Variants in ARSD observed in about 807,000 individuals in gnomAD.
ARSD encodes the protein arylsulfatase D.
In ARSD, 21 loss-of-function variants were observed where a neutral mutation model predicts 32.6. The ratio of observed to expected loss-of-function variants is 0.64; its 90% CI spans 0.46 to 0.93. ARSD has a LOEUF of 0.93. Among genes scored for constraint, ARSD ranks in the 40% least tolerant of loss-of-function variants. The pLI, the probability that ARSD is intolerant of heterozygous loss-of-function variation, is 0.00. For synonymous variants in ARSD, 224 were observed against 237.4 expected (o/e 0.94, Z 0.52); for missense variants, 454 against 520.9 (o/e 0.87, Z 1.25).
In ARSD at chrX:2,927,601, C is replaced by G. The variant is rs372936286; in HGVS notation, c.44+1631G>C. Among the ~76,000 whole-genome samples the G allele has an allele frequency of 2.1e-4, 24 of 112,230 alleles. No homozygotes were observed. The East Asian group carries it at 2.2e-3, about 10-fold the overall frequency. ...AGCCACCTCGCCTGGCGGGAAAATC[C>G]TAACTTTCCATGCCTAAGTAACAAA... On this transcript the variant is annotated intron_variant, in intron 1 of 9. Transcript: ENST00000381154.
At position 2,918,017 on chromosome X, in the gene ARSD, C is replaced by A. The variant is rs369102953; in HGVS notation, c.650G>T (p.Gly217Val). Reference sequence around the variant, plus strand: ...GACAGAGAAGAAACCGCAGGTCTGGCCGGCAGCCAGGGTGAGAATCCCCAG... The same window carrying A: ...GACAGAGAAGAAACCGCAGGTCTGGACGGCAGCCAGGGTGAGAATCCCCAG... ...LALGILTLAA[G>V]QTCGFFSVSA... The change falls in exon 5 of 10, where the codon GGC becomes GTC. Residue 217 changes from glycine to valine, a missense_variant. Gly to Val is a moderately radical substitution (Grantham distance 109). Around this residue, in one of 3 missense-constraint regions of ARSD, gnomAD observed 271 missense variants for 301.0 expected, o/e 0.90. Coordinates refer to ENST00000381154, the MANE Select transcript of ARSD (RefSeq NM_001669.4). 3.3e-6 allele frequency: 4 copies of A among 1,206,266 alleles called. No individual in the cohort carries two copies. The highest frequency in any genetic ancestry group is 4.5e-6 in the Non-Finnish European group (4 of 892,588).
intron 6 of ARSD, chrX:2,913,662 G>A: frequency 1.0e-6 from 1 of 988,534 alleles, no homozygotes; most frequent in Non-Finnish European, 1.3e-6. Flanking sequence ...TCTCTGCATT[G>A]TCCGAACTTT....
At chrX:2,920,366 C>CTTTTTTTTTTTTTTTTTTTTT in intron 4 of ARSD, 1 of 321,784 alleles carries the variant, frequency 3.1e-6, no homozygotes, top group Non-Finnish European at 5.3e-6. Flanking sequence ...AAAACGGGAT[C>CTTTTTTTTTTTTTTTTTTTTT]TTTTTTTTTT....
intron 1 of ARSD, among the ~76,000 whole-genome samples, chrX:2,927,544 C>T (rs921801695): frequency 1.8e-5 from 2 of 111,988 alleles, no homozygotes; most frequent in Non-Finnish European, 3.8e-5. Context: ...CCACCCGTCT[C>T]GGCCTCCCAA....
At chrX:2,925,563 C>T in intron 2 of ARSD, 53 bp downstream of exon 2, 1 of 1,162,099 alleles carries the variant, frequency 8.6e-7, no homozygotes, top group Admixed American at 2.4e-5. Flanking sequence ...TTTAAATGCA[C>T]CATTCCGTCA....
intron 6 of ARSD, chrX:2,913,983 C>T (rs2088926753): frequency 2.8e-6 from 1 of 360,247 alleles, no homozygotes; most frequent in Admixed American, 8.5e-5. Context: ...TCCCCCTTCG[C>T]CTTCCACCAT....
chrX:2,924,479 A>G (rs142255126), intron 2 of ARSD, among the ~76,000 whole-genome samples: 1,666 of 113,381 alleles, frequency 0.015, 36 homozygotes, highest in African/African-American at 0.049. Flanking sequence ...AGAAAAGCCC[A>G]CCAAATGGAA....
At chrX:2,918,678 T>G (rs951136758) in intron 4 of ARSD, among the ~76,000 whole-genome samples, 1 of 110,575 alleles carries the variant, frequency 9.0e-6, no homozygotes, top group African/African-American at 3.3e-5. Flanking sequence ...AGGCGGAGCT[T>G]ACAGTGAGCC....
At position 2,907,549 on chromosome X, in the gene ARSD, G is replaced by T; in HGVS notation, c.1504C>A (p.Pro502Thr). The change falls in exon 10 of 10, where the codon CCA becomes ACA. Residue 502 changes from proline to threonine, a missense_variant. Pro to Thr is a conservative substitution (Grantham distance 38). Coordinates refer to ENST00000381154, the MANE Select transcript of ARSD (RefSeq NM_001669.4). ...TGGGTCACGCCCTCCCCGGAGCATG[G>T]GCAGACGCCTCGGCCGTAGCAGGCC... ...AGACYGRGVC[P>T]CSGEGVTHHR... 1 of 1,167,633 alleles carries T rather than the reference G, an allele frequency of 8.6e-7. No homozygotes were observed. The highest frequency in any genetic ancestry group is 1.1e-6 in the Non-Finnish European group (1 of 872,224).
intron 6 of ARSD, 138 bp downstream of exon 6, chrX:2,915,418 G>T (rs1317407942): frequency 3.2e-6 from 3 of 937,794 alleles, no homozygotes; most frequent in Non-Finnish European, 4.3e-6. Context: ...GCCTCCCAAA[G>T]TGCTGGGATT....
chrX:2,917,783 T>C, intron 5 of ARSD, 21 bp downstream of exon 5: 2 of 1,188,526 alleles, frequency 1.7e-6, no homozygotes, highest in South Asian at 3.7e-5. Context: ...ATCTCCTCTT[T>C]AAGATGCGAT....
chrX:2,922,213 ATCTCTCTCTC>A (rs776777408), intron 2 of ARSD, among the ~76,000 whole-genome samples, 189 bp from the exon 3 acceptor site: 2 of 105,782 alleles, frequency 1.9e-5, no homozygotes, highest in Non-Finnish European at 3.9e-5. Context: ...GATGGATGAC[ATCTCTCTCTC>A]TCTCTCTCTC....
intron 8 of ARSD, 63 bp from the exon 9 acceptor site, chrX:2,908,905 C>A: frequency 8.3e-7 from 1 of 1,200,268 alleles, no homozygotes; most frequent in Non-Finnish European, 1.1e-6. Flanking sequence ...GCCTTTTGCA[C>A]CTGGGAACAC....
At chrX:2,919,041 C>A (rs1381470441) in intron 4 of ARSD, among the ~76,000 whole-genome samples, 8 of 110,636 alleles carry the variant, frequency 7.2e-5, no homozygotes, top group Middle Eastern at 4.3e-3. Flanking sequence ...CGCTTGAACC[C>A]AGGAGGTGGA....
Position 2,904,220 on chromosome X carries a change from C to G in ARSD, c.*3051G>C, listed in dbSNP as rs1366552370. 1 of 111,107 alleles carries G rather than the reference C, an allele frequency of 9.0e-6. No homozygotes were observed. Among genetic ancestry groups the G allele is most frequent in the South Asian group, 3.8e-4 (1 of 2,623 alleles). 9.2% of individuals were successfully genotyped at this position (111,107 alleles called of 1,213,427 possible). ...GGCTCTGGGAAGGCATGCTGAGACC[C>G]GTTTTTGCAAGTCCTGAGGAATGGA... On this transcript the variant is annotated 3_prime_UTR_variant, in exon 10 of 10. Transcript: ENST00000381154.
At chrX:2,908,524 TCTCTCTCTCTC>T (rs1285437987) in intron 9 of ARSD, among the ~76,000 whole-genome samples, 186 bp downstream of exon 9, 19 of 84,876 alleles carry the variant, frequency 2.2e-4, no homozygotes, top group African/African-American at 9.5e-4. Flanking sequence ...CATCTCTCTC[TCTCTCTCTCTC>T]CCCCCCCCAT....
chrX:2,928,925 T>A (rs1178871137), intron 1 of ARSD, among the ~76,000 whole-genome samples: 1 of 112,168 alleles, frequency 8.9e-6, no homozygotes, highest in African/African-American at 3.2e-5. Flanking sequence ...CCAGCCTTCC[T>A]CCGCCCTCCC....
At position 2,906,981 on chromosome X, in the gene ARSD, G is replaced by A; in HGVS notation, c.*290C>T. The A allele has an allele frequency of 4.6e-6, 1 of 218,858 alleles. No individual in the cohort carries two copies. The highest frequency in any genetic ancestry group is 8.2e-6 in the Non-Finnish European group (1 of 122,178). 18.0% of individuals were successfully genotyped at this position (218,858 alleles called of 1,213,427 possible). A position where few individuals can be genotyped will look rare whatever the true frequency, so the allele number is the denominator to read the frequency against. ...AAAAATTAGCTAGGCATGGTGGCAG[G>A]TGCCTGGTGCCTGTAATCCTGGGTA... On this transcript the variant is annotated 3_prime_UTR_variant, in exon 10 of 10. Coordinates refer to ENST00000381154, the MANE Select transcript of ARSD (RefSeq NM_001669.4).
Position 2,925,756 on chromosome X carries a change from CAA to C in ARSD, c.52_53del (p.Leu18AlafsTer14). On this transcript the variant is annotated frameshift_variant, in exon 2 of 10. Coordinates refer to ENST00000381154, the MANE Select transcript of ARSD (RefSeq NM_001669.4). LOFTEE classifies it high-confidence loss of function. The part of the protein sequence containing the change: ...GRAAPAARDS[L>X]PVLLFLCLLL... ...GCAAGCATAAAAACAGTAGCACCGG[CAA>C]AGAGTCCCTGGAGAGAAAAGCGAAA... 3.3e-6 allele frequency: 4 copies of C among 1,210,432 alleles called. No homozygotes were observed. The highest frequency in any genetic ancestry group is 3.0e-5 in the East Asian group (1 of 33,784).
Sources: gnomAD v4.1 joint callset for allele counts (sites outside exome capture counted in the v4.1 genomes callset) on GRCh38, gnomAD v4.1.1 for gene constraint, gnomAD v4.1.1 regional missense constraint, MANE v1.5 for transcripts, NCBI Gene and HGNC (gene_info 2026-07-23, HGNC 2026-07-21) for gene names.